The following QTMAN variants were observed in gnomAD, a reference collection of about 807,000 sequenced individuals.
The protein encoded by QTMAN is queuosine-tRNA mannosyltransferase, also known as tRNA-queuosine alpha-mannosyltransferase.
the QTMAN span, among the ~76,000 whole-genome samples, chr2:143,973,658 G>A: frequency 2.9e-4 from 44 of 152,006 alleles, no homozygotes; most frequent in South Asian, 4.2e-4. Flanking sequence ...GCATGGTGGC[G>A]CACGCTTGTA....
chr2:144,136,387 G>GGAAAA, the QTMAN span, among the ~76,000 whole-genome samples: 20 of 88,492 alleles, frequency 2.3e-4, no homozygotes, highest in African/African-American at 1.2e-3. Context: ...AAAAGGAAAA[G>GGAAAA]GAAAAGGAAA....
chr2:144,043,271 T>A, the QTMAN span, among the ~76,000 whole-genome samples: 1 of 150,830 alleles, frequency 6.6e-6, no homozygotes, highest in African/African-American at 2.5e-5. Flanking sequence ...AAGTAGGGGT[T>A]GGTTAAACAT....
the QTMAN span, among the ~76,000 whole-genome samples, chr2:144,319,058 T>C: frequency 6.6e-6 from 1 of 152,200 alleles, no homozygotes; most frequent in East Asian, 1.9e-4. Flanking sequence ...TAGGTTTATT[T>C]TCAGTTCATA....
the QTMAN span, among the ~76,000 whole-genome samples, chr2:144,168,246 C>T: frequency 1.5e-4 from 23 of 152,212 alleles, no homozygotes; most frequent in East Asian, 3.7e-3. Flanking sequence ...AGTTACTTTA[C>T]GAGAAATGTC....
the QTMAN span, among the ~76,000 whole-genome samples, chr2:144,217,085 G>A: frequency 2.9e-4 from 44 of 152,216 alleles, no homozygotes; most frequent in African/African-American, 9.9e-4. Context: ...CCACCTTCTT[G>A]AAATGGGCTG....
chr2:144,302,635 C>T, the QTMAN span, among the ~76,000 whole-genome samples: 2 of 152,202 alleles, frequency 1.3e-5, no homozygotes, highest in Non-Finnish European at 2.9e-5. Flanking sequence ...ATTTACAGAA[C>T]ATCAACTATG....
the QTMAN span, among the ~76,000 whole-genome samples, chr2:144,068,965 G>A: frequency 2.0e-5 from 3 of 152,066 alleles, no homozygotes; most frequent in Non-Finnish European, 4.4e-5. Flanking sequence ...CTAATATAGC[G>A]GTTTATCTTT....
chr2:143,981,663 G>GT, the QTMAN span, among the ~76,000 whole-genome samples: 1 of 152,080 alleles, frequency 6.6e-6, no homozygotes, highest in Non-Finnish European at 1.5e-5. Flanking sequence ...AGACTGCTGT[G>GT]TTTTTTTGGC....
At chr2:144,264,523 C>T in the QTMAN span, among the ~76,000 whole-genome samples, 7 of 152,250 alleles carry the variant, frequency 4.6e-5, no homozygotes, top group East Asian at 9.6e-4. Context: ...AACAGAGATA[C>T]GAAAATTCCC....
At chr2:144,202,444 A>G in the QTMAN span, among the ~76,000 whole-genome samples, 1 of 152,230 alleles carries the variant, frequency 6.6e-6, no homozygotes, top group African/African-American at 2.4e-5. Flanking sequence ...AGAACTAACC[A>G]TGAAGACACT....
At chr2:144,228,810 TA>T in the QTMAN span, among the ~76,000 whole-genome samples, 1 of 152,092 alleles carries the variant, frequency 6.6e-6, no homozygotes, top group African/African-American at 2.4e-5. Context: ...AATACAAAAT[TA>T]GCCGGGCGTG....
At chr2:144,322,916 C>G in the QTMAN span, among the ~76,000 whole-genome samples, 3 of 152,126 alleles carry the variant, frequency 2.0e-5, no homozygotes, top group East Asian at 5.8e-4. Flanking sequence ...TCATAAAAAT[C>G]ACCACCCATC....
At chr2:143,962,706 T>C in the QTMAN span, among the ~76,000 whole-genome samples, 51 of 152,146 alleles carry the variant, frequency 3.4e-4, no homozygotes, top group African/African-American at 1.2e-3. Context: ...CAAGAAAGAA[T>C]AGGATCTTAG....
the QTMAN span, among the ~76,000 whole-genome samples, chr2:144,133,360 AT>A: frequency 2.6e-5 from 1 of 38,768 alleles, no homozygotes; most frequent in Non-Finnish European, 4.9e-5. Flanking sequence ...ATGTATATAT[AT>A]AATATAATAT....
the QTMAN span, among the ~76,000 whole-genome samples, chr2:144,278,136 C>CA: frequency 2.0e-5 from 3 of 152,112 alleles, no homozygotes; most frequent in Non-Finnish European, 4.4e-5. Context: ...GTTCTGAGAC[C>CA]AGAACTGGCT....
the QTMAN span, among the ~76,000 whole-genome samples, chr2:144,009,008 C>T: frequency 6.6e-6 from 1 of 152,070 alleles, no homozygotes; most frequent in South Asian, 2.1e-4. Flanking sequence ...AAATGAGGCA[C>T]ATGGGCACAG....
At chr2:143,946,052 T>C in the QTMAN span, 1 of 152,236 alleles carries the variant, frequency 6.6e-6, no homozygotes, top group African/African-American at 2.4e-5. Context: ...GAATTTATTT[T>C]ACCATCTAGC....
At chr2:144,282,016 T>C in the QTMAN span, among the ~76,000 whole-genome samples, 1 of 152,146 alleles carries the variant, frequency 6.6e-6, no homozygotes, top group Non-Finnish European at 1.5e-5. Flanking sequence ...AAAACACAGA[T>C]TGCTGGTCCT....
At chr2:144,021,874 C>T in the QTMAN span, among the ~76,000 whole-genome samples, 7 of 152,138 alleles carry the variant, frequency 4.6e-5, no homozygotes, top group Admixed American at 1.3e-4. Context: ...GGAAAATGTG[C>T]GTGTGCGTCC....
Sources: gnomAD v4.1 joint callset for allele counts (sites outside exome capture counted in the v4.1 genomes callset) on GRCh38, gnomAD v4.1.1 for gene constraint, MANE v1.5 for transcripts, NCBI Gene and HGNC (gene_info 2026-07-23, HGNC 2026-07-21) for gene names.